The following HIVEP3 variants were observed in gnomAD, a reference collection of about 807,000 sequenced individuals.
The protein encoded by HIVEP3 is HIVEP zinc finger 3.
A neutral mutation model predicts 152.8 loss-of-function variants in HIVEP3; 49 were observed. The observed-to-expected ratio is 0.32, with a 90% CI of 0.26 to 0.41. The LOEUF (loss-of-function observed/expected upper bound fraction) is 0.41, where lower values mean the gene tolerates loss of function less well. Ranked by LOEUF, HIVEP3 falls within the 10% of genes least tolerant of loss-of-function variation. The pLI is 1.00. For missense variants in HIVEP3, 2,790 were observed against 3,103.3 expected, an observed-to-expected ratio of 0.90 and a Z score of 2.40; for synonymous variants, 1,269 against 1,289.0, an observed-to-expected ratio of 0.98 and a Z score of 0.33.
rs572356865 is a variant in HIVEP3, at chr1:41,552,679, C to T, written c.5207+22865G>A. 1.3e-4 allele frequency among the ~76,000 whole-genome samples: 20 copies of T among 151,488 alleles called. No homozygotes were observed. The East Asian group carries it at 3.1e-3, about 24-fold the overall frequency. ...TGTGAATAATGCTACAATAAACATA[C>T]GTGTGCATGTGTCTTTATAGCAGCA... is the stretch of plus-strand genomic sequence containing the variant. On this transcript the variant is annotated intron_variant, in intron 5 of 8. Transcript: ENST00000372583.
chr1:41,964,622 T>A (rs926437153), intron 1 of HIVEP3, among the ~76,000 whole-genome samples: 1 of 152,304 alleles, frequency 6.6e-6, no homozygotes, highest in Admixed American at 6.5e-5. Context: ...CCGGGAGGAA[T>A]TCCCCCACAG....
At chr1:41,837,921 G>T (rs1295259498) in intron 1 of HIVEP3, among the ~76,000 whole-genome samples, 1 of 152,086 alleles carries the variant, frequency 6.6e-6, no homozygotes, top group Non-Finnish European at 1.5e-5. Flanking sequence ...CAGGAAGGTG[G>T]TTCCTCTCAG....
At chr1:41,710,620 C>T (rs10890163) in intron 1 of HIVEP3, among the ~76,000 whole-genome samples, 8 of 152,034 alleles carry the variant, frequency 5.3e-5, no homozygotes, top group South Asian at 4.1e-4. Flanking sequence ...CACAATGAGG[C>T]GCATCTAAAG....
chr1:41,992,292 C>T (rs1645366918), intron 1 of HIVEP3, among the ~76,000 whole-genome samples: 1 of 152,098 alleles, frequency 6.6e-6, no homozygotes, highest in African/African-American at 2.4e-5. Context: ...TAAGCAACTT[C>T]AGCAAAGTCT....
chr1:42,011,993 G>C (rs1645495171), intron 1 of HIVEP3, among the ~76,000 whole-genome samples: 1 of 152,068 alleles, frequency 6.6e-6, no homozygotes, highest in African/African-American at 2.4e-5. Flanking sequence ...GTGACATAGG[G>C]ATGTCCCTGC....
chr1:41,958,946 G>C (rs1174802501), intron 1 of HIVEP3, among the ~76,000 whole-genome samples: 4 of 152,186 alleles, frequency 2.6e-5, no homozygotes, highest in Non-Finnish European at 5.9e-5. Context: ...CATGAGCTCT[G>C]TGTTGTGTGT....
intron 1 of HIVEP3, among the ~76,000 whole-genome samples, chr1:41,796,345 C>T (rs1445377232): frequency 6.6e-6 from 1 of 152,244 alleles, no homozygotes; most frequent in Non-Finnish European, 1.5e-5. Context: ...ATGGCTCCAG[C>T]TCTGTTCCTC....
At chr1:41,963,674 T>TA (rs879897695) in intron 1 of HIVEP3, among the ~76,000 whole-genome samples, 51 of 149,430 alleles carry the variant, frequency 3.4e-4, no homozygotes, top group South Asian at 1.3e-3. Flanking sequence ...TAAAGTATAA[T>TA]AAAAAAAAAA....
At chr1:41,606,486 A>T (rs1644824107) in intron 3 of HIVEP3, among the ~76,000 whole-genome samples, 1 of 152,094 alleles carries the variant, frequency 6.6e-6, no homozygotes, top group Non-Finnish European at 1.5e-5. Flanking sequence ...CATTATGAAG[A>T]TATCATTGCC....
upstream of HIVEP3, among the ~76,000 whole-genome samples, chr1:41,921,630 C>A (rs956294676): frequency 2.0e-5 from 3 of 152,042 alleles, no homozygotes; most frequent in Admixed American, 6.6e-5. Flanking sequence ...CTAATACAGA[C>A]CCCTAAGAAG....
intron 1 of HIVEP3, among the ~76,000 whole-genome samples, chr1:41,826,702 G>GA (rs1642813699): frequency 1.3e-5 from 2 of 152,220 alleles, no homozygotes; most frequent in South Asian, 4.1e-4. Flanking sequence ...TGGCTTGGAT[G>GA]TTCTGAAGGT....
intron 1 of HIVEP3, among the ~76,000 whole-genome samples, chr1:41,758,462 G>C (rs1647461185): frequency 6.6e-6 from 1 of 152,190 alleles, no homozygotes; most frequent in Admixed American, 6.5e-5. Context: ...CGCTTCAATG[G>C]ACCAAGGTAG....
rs753134739 is a variant in HIVEP3 at position 41,582,304 on chromosome 1, G to T, written c.2494C>A (p.Pro832Thr). Residue 832 changes from proline to threonine, a missense_variant, in exon 4 of 9, where the codon CCA becomes ACA. Physicochemically the swap from Pro to Thr is conservative, Grantham distance 38 (BLOSUM62 -1). This residue lies in a region of HIVEP3 where 1,078 missense variants were observed against 1,165.3 expected (regional missense o/e 0.93). Coordinates refer to ENST00000372583, the MANE Select transcript of HIVEP3 (RefSeq NM_024503.5). The surrounding 1 kb of genome is among the most constrained non-coding windows in gnomAD (Gnocchi z 4.7). ...GCAGAGCGTCCGTGTGGGGCAGGTG[G>T]GGGTGATGGGAACTGGGCCAGAGGT... ...DKPLAQFPSP[P>T]PAPHGRSAHS... is the part of the protein sequence containing the mutation. The T allele has an allele frequency of 8.7e-6, 14 of 1,614,170 alleles. No individual in the cohort carries two copies. In the South Asian group the frequency reaches 1.5e-4, roughly 18 times the overall value.
Position 41,958,596 on chromosome 1 carries a change from G to A in HIVEP3, n.120-40072C>T, listed in dbSNP as rs192335404. Among the ~76,000 whole-genome samples the A allele has an allele frequency of 2.2e-4, 34 of 152,314 alleles. No individual in the cohort carries two copies. The East Asian group carries it at 5.6e-3, about 25-fold the overall frequency. On this transcript the variant is annotated intron_variant and non_coding_transcript_variant, in intron 1 of 3. Transcript: ENST00000489103. ...AGATGACCAGGCCCACCCCCACTAT[G>A]TCACTCACCACTGTTGCAGCAACCC...
rs1056757130 is a variant in HIVEP3 at position 41,544,592 on chromosome 1, T to C, written c.5208-19682A>G. Among the ~76,000 whole-genome samples, 19 of 148,108 alleles carry C rather than the reference T, an allele frequency of 1.3e-4. No homozygotes were observed. In the East Asian group the frequency reaches 3.2e-3, roughly 25 times the overall value. ...CCACGACCACCTCTACCACCATCACTACCATCACCACCACCATCACCGCCA... is the reference window on the plus strand; with the variant it reads ...CCACGACCACCTCTACCACCATCACCACCATCACCACCACCATCACCGCCA... On this transcript the variant is annotated intron_variant, in intron 5 of 8. Coordinates refer to ENST00000372583, the MANE Select transcript of HIVEP3 (RefSeq NM_024503.5).
chr1:42,023,038 T>G (rs572382472), intron 1 of HIVEP3, among the ~76,000 whole-genome samples: 1 of 152,330 alleles, frequency 6.6e-6, no homozygotes, highest in African/African-American at 2.4e-5. Context: ...TTATTTTTAT[T>G]TATTTATTTT....
intron 1 of HIVEP3, among the ~76,000 whole-genome samples, chr1:41,985,553 T>A (rs528546419): frequency 2.0e-5 from 3 of 152,306 alleles, no homozygotes; most frequent in Non-Finnish European, 4.4e-5. Context: ...ACTAACCCCA[T>A]CATGAGGGCG....
intron 1 of HIVEP3, among the ~76,000 whole-genome samples, chr1:41,879,728 C>T (rs932258438): frequency 1.3e-4 from 20 of 152,170 alleles, no homozygotes; most frequent in African/African-American, 4.8e-4. Flanking sequence ...TTTTAAGTAC[C>T]TCTGACTTAG....
rs1558017128 is a variant in HIVEP3, at chr1:41,513,633, T to C, written c.5588A>G (p.Glu1863Gly). 1.2e-6 allele frequency: 2 copies of C among 1,614,016 alleles called. No individual in the cohort carries two copies. The highest frequency in any genetic ancestry group is 8.5e-7 in the Non-Finnish European group (1 of 1,179,998). The change falls in exon 8 of 9, where the codon GAG becomes GGG. Residue 1863 changes from glutamate (E) to glycine (G), a missense_variant. Transcript: ENST00000372583. The stretch of plus-strand genomic sequence containing the variant: ...CTGGCTCTCCTCCTCATCCTCATCC[T>C]CGTCTTCGTCCAGGTCTGAGTCTGA... ...SDSDSDLDED[E>G]DEDEEESQDE...
Sources: allele counts gnomAD v4.1 joint callset (sites outside exome capture counted in the v4.1 genomes callset), GRCh38; gene constraint gnomAD v4.1.1; regional missense constraint gnomAD v4.1.1; non-coding constraint Gnocchi (gnomAD v3.1); transcripts MANE v1.5; gene names NCBI Gene and HGNC (gene_info 2026-07-23, HGNC 2026-07-21).